CAP2: variants seen among roughly 807,000 people sequenced by gnomAD.
CAP2 encodes cyclase associated actin cytoskeleton regulatory protein 2, also known as adenylyl cyclase-associated protein 2.
A neutral mutation model predicts 57.7 loss-of-function variants in CAP2; 24 were observed. The observed-to-expected ratio is 0.42, with a 90% CI of 0.30 to 0.58. CAP2 has a LOEUF of 0.58. Among genes scored for constraint, CAP2 ranks in the 20% least tolerant of loss-of-function variants. The pLI, the probability that CAP2 is intolerant of heterozygous loss-of-function variation, is 0.22. For synonymous variants in CAP2, 194 were observed against 207.2 expected, an observed-to-expected ratio of 0.94 and a Z score of 0.55; for missense variants, 501 against 590.3, an observed-to-expected ratio of 0.85 and a Z score of 1.57.
At chr6:17,459,163 A>G (rs1171319835) in intron 3 of CAP2, among the ~76,000 whole-genome samples, 1 of 152,216 alleles carries the variant, frequency 6.6e-6, no homozygotes, top group Non-Finnish European at 1.5e-5. Flanking sequence ...CTAAAGTCGG[A>G]AGGGACCACT....
At chr6:17,480,282 T>C (rs1028592811) in intron 4 of CAP2, among the ~76,000 whole-genome samples, 2 of 152,158 alleles carry the variant, frequency 1.3e-5, no homozygotes, top group Non-Finnish European at 2.9e-5. Flanking sequence ...CCAATCACAT[T>C]GGACAACACA....
rs1348332205 is a variant in CAP2, at chr6:17,463,055, G to A, written c.282G>A (p.Gln94=). 1.2e-6 allele frequency: 2 copies of A among 1,613,518 alleles called. No individual in the cohort carries two copies. Among genetic ancestry groups the A allele is most frequent in the East Asian group, 4.5e-5 (2 of 44,858 alleles). Reference sequence around the variant, plus strand: ...GGGCTTTCCTTCTGATGGCCTCTCAGTACCAACAACCCCACGAGGTAAGAG... The same window carrying A: ...GGGCTTTCCTTCTGATGGCCTCTCAATACCAACAACCCCACGAGGTAAGAG... The part of the protein sequence containing the change: ...AQRAFLLMAS[Q]YQQPHENDVA... Residue 94 remains glutamine, a synonymous_variant, in exon 4 of 13, where the codon CAG becomes CAA. Transcript: ENST00000229922.
At chr6:17,417,696 C>T (rs1249749332) in intron 1 of CAP2, among the ~76,000 whole-genome samples, 2 of 152,198 alleles carry the variant, frequency 1.3e-5, no homozygotes, top group Non-Finnish European at 2.9e-5. Flanking sequence ...TCCTTGCCAT[C>T]GGCTTCTACT....
At position 17,463,070 on chromosome 6, in the gene CAP2, C is replaced by T. The variant is rs753521133; in HGVS notation, c.297C>T (p.His99=). The change falls in exon 4 of 13, where the codon CAC becomes CAT. Residue 99 remains histidine (H), a synonymous_variant. Transcript: ENST00000229922. ...LLMASQYQQP[H]ENDVAALLKP... is the part of the protein sequence containing the mutation. ...TGGCCTCTCAGTACCAACAACCCCA[C>T]GAGGTAAGAGAGTGTCCTGAGAGGG... 1.0e-4 allele frequency: 166 copies of T among 1,610,788 alleles called. No individual in the cohort carries two copies. The highest frequency in any genetic ancestry group is 1.3e-4 in the Non-Finnish European group (155 of 1,177,202).
chr6:17,424,197 A>G (rs1021683838), intron 2 of CAP2, among the ~76,000 whole-genome samples: 10 of 152,136 alleles, frequency 6.6e-5, no homozygotes, highest in Non-Finnish European at 1.3e-4. Context: ...TCAGGAGATC[A>G]AGACCATCCT....
At chr6:17,471,561 G>A (rs6919239) in intron 4 of CAP2, among the ~76,000 whole-genome samples, 2,126 of 152,264 alleles carry the variant, frequency 0.014, 49 homozygotes, top group African/African-American at 0.047. Flanking sequence ...GGCCGGGCAC[G>A]GTGGCTCAAG....
Position 17,544,683 on chromosome 6 carries a change from G to A in CAP2, c.1209+1540G>A, listed in dbSNP as rs1406673302. ...CTCATATGCCTCAGCCCCCTGAGTA[G>A]CTGGGATTACAGGTGACCACCACCA... On this transcript the variant is annotated intron_variant, in intron 11 of 12. Transcript: ENST00000229922. Among the ~76,000 whole-genome samples the A allele has an allele frequency of 2.0e-5, 3 of 152,066 alleles. No individual in the cohort carries two copies. In the East Asian group the frequency reaches 5.8e-4, roughly 29 times the overall value.
intron 1 of CAP2, among the ~76,000 whole-genome samples, chr6:17,406,398 C>CTTTTTTTTTTTTTTTTTTTTTTTTCT (rs777803474): frequency 2.0e-5 from 2 of 102,472 alleles, no homozygotes; most frequent in African/African-American, 1.2e-4. Flanking sequence ...GCCCAGATTT[C>CTTTTTTTTTTTTTTTTTTTTTTTTCT]TTTTTTTTTT....
intron 1 of CAP2, among the ~76,000 whole-genome samples, chr6:17,418,059 G>A (rs1268201554): frequency 6.6e-6 from 1 of 152,148 alleles, no homozygotes; most frequent in Non-Finnish European, 1.5e-5. Context: ...GACTGCCTGG[G>A]AAGAATTTGG....
Position 17,406,925 on chromosome 6 carries a change from G to C in CAP2, c.-2+13179G>C, listed in dbSNP as rs537974841. 5.3e-4 allele frequency among the ~76,000 whole-genome samples: 81 copies of C among 152,110 alleles called. 2 individuals are homozygous for C. In the South Asian group the frequency reaches 0.017, roughly 31 times the overall value. Reference sequence around the variant, plus strand: ...CACCCCCACCCAATTCTGATTTAAGGTCGACCCTGAAGAAAAAAATGAGAA... The same window carrying C: ...CACCCCCACCCAATTCTGATTTAAGCTCGACCCTGAAGAAAAAAATGAGAA... On this transcript the variant is annotated intron_variant, in intron 1 of 12. Transcript: ENST00000229922.
intron 3 of CAP2, among the ~76,000 whole-genome samples, chr6:17,437,901 T>C (rs978883986): frequency 3.3e-5 from 5 of 152,046 alleles, no homozygotes; most frequent in African/African-American, 1.2e-4. Flanking sequence ...GGGTCACATA[T>C]CACTTTTGCT....
At chr6:17,527,805 G>C (rs1181757355) in intron 7 of CAP2, among the ~76,000 whole-genome samples, 2 of 152,068 alleles carry the variant, frequency 1.3e-5, no homozygotes, top group African/African-American at 4.8e-5. Flanking sequence ...ATGTTGGCCT[G>C]TTGGCCAGGC....
At chr6:17,418,587 T>C (rs1449416472) in intron 1 of CAP2, among the ~76,000 whole-genome samples, 2 of 152,204 alleles carry the variant, frequency 1.3e-5, no homozygotes, top group Non-Finnish European at 2.9e-5. Flanking sequence ...TAACAGGCCT[T>C]CTCAAGACAG....
At chr6:17,397,421 G>A (rs930279503) in intron 1 of CAP2, among the ~76,000 whole-genome samples, 1 of 152,108 alleles carries the variant, frequency 6.6e-6, no homozygotes, top group South Asian at 2.1e-4. Flanking sequence ...TGGGCTGGGC[G>A]TGGTGGCTCA....
chr6:17,451,375 G>C (rs1171225472), intron 3 of CAP2, among the ~76,000 whole-genome samples: 1 of 152,052 alleles, frequency 6.6e-6, no homozygotes, highest in Non-Finnish European at 1.5e-5. Flanking sequence ...GTCCAGGTTG[G>C]GTGTTTGCTG....
At chr6:17,418,955 T>C (rs1408912780) in intron 1 of CAP2, among the ~76,000 whole-genome samples, 1 of 152,208 alleles carries the variant, frequency 6.6e-6, no homozygotes, top group Admixed American at 6.5e-5. Flanking sequence ...TTTCTAATTT[T>C]GAATCCCCTT....
At chr6:17,536,351 C>T (rs913243607) in intron 7 of CAP2, 8 of 452,044 alleles carry the variant, frequency 1.8e-5, no homozygotes, top group Non-Finnish European at 2.7e-5. Flanking sequence ...GGTAAAGCAC[C>T]TGAATGCTAA....
At chr6:17,450,375 T>C (rs1020738354) in intron 3 of CAP2, among the ~76,000 whole-genome samples, 1 of 152,206 alleles carries the variant, frequency 6.6e-6, no homozygotes. Context: ...ATCTATTTGA[T>C]GTACCAAGAA....
Position 17,557,010 on chromosome 6 carries a change from A to T in CAP2, c.*568A>T, listed in dbSNP as rs186576801. On this transcript the variant is annotated 3_prime_UTR_variant, in exon 13 of 13. Coordinates refer to ENST00000229922, the MANE Select transcript of CAP2 (RefSeq NM_006366.3). ...TAAGAGTTTATAAAGGACCAAATTC[A>T]GTTCCTTGGTCCTTGGAAGACCTAT... 6.6e-6 allele frequency: 1 copy of T among 152,400 alleles called. No individual in the cohort carries two copies. The highest frequency in any genetic ancestry group is 1.5e-5 in the Non-Finnish European group (1 of 68,222). The allele number at this position is 152,400 out of a possible 1,614,324, so 9.4% of individuals were successfully genotyped here. A position where few individuals can be genotyped will look rare whatever the true frequency, so the allele number is the denominator to read the frequency against.
Sources: gnomAD v4.1 joint callset for allele counts (sites outside exome capture counted in the v4.1 genomes callset) on GRCh38, gnomAD v4.1.1 for gene constraint, MANE v1.5 for transcripts, NCBI Gene and HGNC (gene_info 2026-07-23, HGNC 2026-07-21) for gene names.